VPS13B: variants seen among roughly 807,000 people sequenced by gnomAD.
VPS13B encodes the protein vacuolar protein sorting 13 homolog B.
A neutral mutation model predicts 426.4 loss-of-function variants in VPS13B; 285 were observed. The observed-to-expected ratio is 0.67, with a 90% CI of 0.61 to 0.74. The LOEUF is 0.74. VPS13B is among the 30% of genes least tolerant of loss of function. The pLI, the probability that VPS13B is intolerant of heterozygous loss-of-function variation, is 0.00. For missense variants in VPS13B, 4,537 were observed against 4,782.6 expected (o/e 0.95, Z 1.51); for synonymous variants, 1,676 against 1,676.4 (o/e 1.00, Z 0.01).
chr8:99,023,798 C>G (rs1294057317), intron 2 of VPS13B, among the ~76,000 whole-genome samples: 7 of 152,122 alleles, frequency 4.6e-5, no homozygotes, highest in Admixed American at 4.6e-4. Flanking sequence ...TTTTCTTTAT[C>G]CATCATTCCT....
intron 39 of VPS13B, among the ~76,000 whole-genome samples, chr8:99,723,047 T>G (rs1833194644): frequency 6.6e-6 from 1 of 152,238 alleles, no homozygotes; most frequent in South Asian, 2.1e-4. Context: ...TTTTCTATCT[T>G]CTCACGGTTA....
At chr8:99,231,936 T>C (rs1237534155) in intron 17 of VPS13B, among the ~76,000 whole-genome samples, 1 of 152,188 alleles carries the variant, frequency 6.6e-6, no homozygotes, top group Non-Finnish European at 1.5e-5. Context: ...ATTTTTTCTT[T>C]GTTTGGTTGA....
chr8:99,384,127 A>C lies in VPS13B; in HGVS notation c.2825-81A>C. 1.1e-5 allele frequency: 13 copies of C among 1,136,316 alleles called. No homozygotes were observed. In the South Asian group the frequency reaches 1.5e-4, roughly 13 times the overall value. The allele number at this position is 1,136,316 out of a possible 1,614,324, so 70.4% of individuals were successfully genotyped here. On this transcript the variant is annotated intron_variant, in intron 19 of 61. Transcript: ENST00000357162. ...ACTGTTTGTCTGTTATGTCATAGCTATCCTACATGGTGTAAAGTGACAAAT... is the reference window on the plus strand; with the variant it reads ...ACTGTTTGTCTGTTATGTCATAGCTCTCCTACATGGTGTAAAGTGACAAAT...
At chr8:99,484,805 A>G (rs992028050) in intron 25 of VPS13B, among the ~76,000 whole-genome samples, 19 of 151,770 alleles carry the variant, frequency 1.3e-4, no homozygotes, top group Admixed American at 1.1e-3. Context: ...ATTGATCATC[A>G]TATCATAACC....
chr8:99,275,544 T>TATCA lies in VPS13B; in HGVS notation c.2824+291_2824+294dup, dbSNP rs781703868. The stretch of plus-strand genomic sequence containing the variant: ...AACAACTGAGTTTTAAAATATAGCA[T>TATCA]ATCATTATAATGCATATTTTCTTGA... On this transcript the variant is annotated intron_variant, in intron 19 of 61. Transcript: ENST00000357162. Among the ~76,000 whole-genome samples, 102 of 152,266 alleles carry TATCA rather than the reference T, an allele frequency of 6.7e-4. 1 individual carries two copies. Among genetic ancestry groups the TATCA allele is most frequent in the Admixed American group, 1.6e-3 (24 of 15,290 alleles).
chr8:99,024,654 G>A (rs527902662), intron 2 of VPS13B, among the ~76,000 whole-genome samples: 1 of 152,214 alleles, frequency 6.6e-6, no homozygotes, highest in South Asian at 2.1e-4. Flanking sequence ...TGTTCTCCTG[G>A]TCTGTATGTC....
chr8:99,140,671 C>T (rs1810367668), intron 12 of VPS13B, among the ~76,000 whole-genome samples: 2 of 134,330 alleles, frequency 1.5e-5, no homozygotes, highest in African/African-American at 5.9e-5. Flanking sequence ...CCTCCCCGTC[C>T]TTCTCCCCTT....
At chr8:99,323,073 G>A (rs1372850135) in intron 19 of VPS13B, among the ~76,000 whole-genome samples, 1 of 152,186 alleles carries the variant, frequency 6.6e-6, no homozygotes, top group Admixed American at 6.5e-5. Context: ...CCTAGAGGGT[G>A]GGGTAGACAG....
chr8:99,210,701 G>A (rs559611536), intron 17 of VPS13B, among the ~76,000 whole-genome samples: 2 of 152,118 alleles, frequency 1.3e-5, no homozygotes, highest in South Asian at 4.1e-4. Context: ...AGCCTCCTGG[G>A]CTCAAAAGAT....
chr8:99,319,579 G>A (rs1809862437), intron 19 of VPS13B, among the ~76,000 whole-genome samples: 1 of 152,194 alleles, frequency 6.6e-6, no homozygotes, highest in African/African-American at 2.4e-5. Flanking sequence ...ATTCTTGGTT[G>A]ATGGTTAATG....
chr8:99,763,580 C>G (rs1409932465), intron 39 of VPS13B, among the ~76,000 whole-genome samples: 1 of 152,074 alleles, frequency 6.6e-6, no homozygotes, highest in Admixed American at 6.5e-5. Flanking sequence ...ATTTTTCCAT[C>G]TGGGGAGGTG....
chr8:99,624,543 A>G (rs1014431643), intron 33 of VPS13B, among the ~76,000 whole-genome samples: 10 of 152,188 alleles, frequency 6.6e-5, no homozygotes, highest in African/African-American at 2.4e-4. Flanking sequence ...GTCAGCTGCT[A>G]TATTGTGAAC....
In VPS13B at chr8:99,810,413, A is replaced by T. The variant is rs188599146; in HGVS notation, c.8097+883A>T. Among the ~76,000 whole-genome samples the T allele has an allele frequency of 1.5e-3, 223 of 152,370 alleles. 1 individual carries two copies. Among genetic ancestry groups the T allele is most frequent in the Non-Finnish European group, 2.7e-3 (185 of 68,040 alleles). ...AAAAGGGGAGCTTCCCCTATGGAGC[A>T]GCAGGGGCTATTCTGTTGCTGCATG... On this transcript the variant is annotated intron_variant, in intron 44 of 61. Transcript: ENST00000357162.
At chr8:99,224,206 G>T (rs1423135654) in intron 17 of VPS13B, among the ~76,000 whole-genome samples, 1 of 151,834 alleles carries the variant, frequency 6.6e-6, no homozygotes, top group African/African-American at 2.4e-5. Context: ...ATGCAGATGG[G>T]TTTTTTTTCT....
intron 51 of VPS13B, among the ~76,000 whole-genome samples, chr8:99,831,569 A>G (rs1815062094): frequency 6.6e-6 from 1 of 152,330 alleles, no homozygotes; most frequent in South Asian, 2.1e-4. Flanking sequence ...TAAGCTTACA[A>G]TGCATTGTGG....
chr8:99,131,398 AAAT>A (rs1325126657), intron 8 of VPS13B, among the ~76,000 whole-genome samples: 1 of 152,328 alleles, frequency 6.6e-6, no homozygotes, highest in Admixed American at 6.5e-5. Flanking sequence ...TGAAACATAT[AAAT>A]AATATGTTAT....
At chr8:99,444,675 A>T (rs1817827637) in intron 23 of VPS13B, among the ~76,000 whole-genome samples, 1 of 151,410 alleles carries the variant, frequency 6.6e-6, no homozygotes, top group East Asian at 1.9e-4. Context: ...ATTTCTTTTT[A>T]TTTATTTATT....
At chr8:99,575,894 A>G (rs1825752477) in intron 32 of VPS13B, 110 bp downstream of exon 32, 6 of 1,063,370 alleles carry the variant, frequency 5.6e-6, no homozygotes, top group African/African-American at 3.2e-5. Flanking sequence ...TAGCTCATTA[A>G]TAATAATGGC....
chr8:99,770,787 A>T (rs1239555429), intron 40 of VPS13B, among the ~76,000 whole-genome samples: 1 of 152,208 alleles, frequency 6.6e-6, no homozygotes, highest in Non-Finnish European at 1.5e-5. Context: ...TTGTTGGTGC[A>T]GTCCAGAAAG....
Sources: gnomAD v4.1 joint callset for allele counts (sites outside exome capture counted in the v4.1 genomes callset) on GRCh38, gnomAD v4.1.1 for gene constraint, MANE v1.5 for transcripts, NCBI Gene and HGNC (gene_info 2026-07-23, HGNC 2026-07-21) for gene names.